ZNF469: variants seen among roughly 807,000 people sequenced by gnomAD.
The protein encoded by ZNF469 is zinc finger protein 469.
ZNF469 carries 1 observed loss-of-function variant against 1.0 expected under a neutral mutation model. The observed-to-expected ratio is 1.00, with a 90% CI of 0.35 to 4.73. The LOEUF is 4.73. Ranked by LOEUF, ZNF469 falls within the 30% of genes most tolerant of loss-of-function variation. The probability of loss-of-function intolerance (pLI) is 0.16; values close to 1 mark genes in which losing one functional copy is unlikely to be tolerated. For missense variants in ZNF469, 6,100 were observed against 5,356.3 expected (o/e 1.14, Z -4.33); for synonymous variants, 2,703 against 2,363.4 (o/e 1.14, Z -4.17).
intron 1 of ZNF469, among the ~76,000 whole-genome samples, chr16:88,395,988 T>C (rs1904647377): frequency 6.6e-6 from 1 of 152,228 alleles, no homozygotes; most frequent in Non-Finnish European, 1.5e-5. Context: ...CTCCCAGCCA[T>C]GTGCTCAGGC....
At chr16:88,289,121 T>C in the ZNF469 span, among the ~76,000 whole-genome samples, 1 of 151,770 alleles carries the variant, frequency 6.6e-6, no homozygotes, top group African/African-American at 2.4e-5. Context: ...GTAACAGTGA[T>C]GGTGATGACG....
chr16:88,169,837 GC>G, the ZNF469 span, among the ~76,000 whole-genome samples: 2 of 152,170 alleles, frequency 1.3e-5, no homozygotes, highest in Non-Finnish European at 1.5e-5. The surrounding 1 kb of genome is among the most constrained non-coding windows in gnomAD (Gnocchi z 6.1). Flanking sequence ...GGTTCCTGTG[GC>G]CCCTCCGCCT....
the ZNF469 span, among the ~76,000 whole-genome samples, chr16:88,108,087 A>G: frequency 6.6e-6 from 1 of 151,416 alleles, no homozygotes; most frequent in Non-Finnish European, 1.5e-5. Flanking sequence ...TTGAAGAAAT[A>G]AGGACATTTG....
chr16:88,326,804 G>T, the ZNF469 span, among the ~76,000 whole-genome samples: 6 of 152,170 alleles, frequency 3.9e-5, no homozygotes, highest in African/African-American at 1.2e-4. Flanking sequence ...CACTCGGGCC[G>T]GTCCTGACCC....
At chr16:88,193,114 G>A in the ZNF469 span, among the ~76,000 whole-genome samples, 3 of 65,800 alleles carry the variant, frequency 4.6e-5, no homozygotes, top group African/African-American at 6.0e-5. Flanking sequence ...GGTGGTGGTG[G>A]TGATGGTGGT....
the ZNF469 span, among the ~76,000 whole-genome samples, chr16:88,206,591 C>T: frequency 6.6e-6 from 1 of 151,980 alleles, no homozygotes; most frequent in South Asian, 2.1e-4. Flanking sequence ...CAAAACCCTA[C>T]ACTTGTCTCT....
the ZNF469 span, among the ~76,000 whole-genome samples, chr16:88,302,864 GA>G: frequency 6.6e-6 from 1 of 152,208 alleles, no homozygotes; most frequent in African/African-American, 2.4e-5. Context: ...CACCACTACA[GA>G]ACCCCTCTGC....
the ZNF469 span, among the ~76,000 whole-genome samples, chr16:88,184,256 C>A: frequency 6.6e-6 from 1 of 152,048 alleles, no homozygotes; most frequent in Non-Finnish European, 1.5e-5. Flanking sequence ...GGGGTCACGG[C>A]AGCTTGGCAC....
the ZNF469 span, among the ~76,000 whole-genome samples, chr16:88,283,600 T>C: frequency 6.6e-6 from 1 of 152,184 alleles, no homozygotes; most frequent in Non-Finnish European, 1.5e-5. Context: ...AGGTGGTGGG[T>C]TGGGGGTATC....
the ZNF469 span, among the ~76,000 whole-genome samples, chr16:88,229,578 C>CG: frequency 1.6e-4 from 10 of 61,556 alleles, no homozygotes; most frequent in South Asian, 6.1e-4. Flanking sequence ...CGCTTGTGCG[C>CG]TGATGTCACG....
At position 88,383,566 on chromosome 16, in the gene ZNF469, C is replaced by A. The variant is rs549487236; in HGVS notation, c.-192+312C>A. ...CTCCGTGGGCAGTTTGGGAAGCGCCCGGGCAACGTACTGGCGAGGGCCGCG... is the reference window on the plus strand; with the variant it reads ...CTCCGTGGGCAGTTTGGGAAGCGCCAGGGCAACGTACTGGCGAGGGCCGCG... On this transcript the variant is annotated intron_variant, in intron 1 of 2. Transcript: ENST00000565624. Among the ~76,000 whole-genome samples, 95 of 150,336 alleles carry A rather than the reference C, an allele frequency of 6.3e-4. 1 individual carries two copies. Among genetic ancestry groups the A allele is most frequent in the Admixed American group, 3.2e-3 (48 of 15,134 alleles).
chr16:88,316,855 G>A, the ZNF469 span, among the ~76,000 whole-genome samples: 3 of 152,124 alleles, frequency 2.0e-5, no homozygotes, highest in Admixed American at 1.3e-4. Context: ...CCTGGGTGCT[G>A]TCTCAGTGCC....
rs543570209 is a variant in ZNF469, at chr16:88,395,660, G to GGA, written c.-192+12408_-192+12409dup. On this transcript the variant is annotated intron_variant, in intron 1 of 2. Coordinates refer to ENST00000565624, the MANE Select transcript of ZNF469 (RefSeq NM_001367624.2). ...ACATTATAATGTTATAATTCCCACC[G>GGA]GAGGCTCAGAGGCTAAATGCCTCAC... Among the ~76,000 whole-genome samples the GGA allele has an allele frequency of 9.8e-3, 1,492 of 152,130 alleles. 21 individuals are homozygous for GGA. Among genetic ancestry groups the GGA allele is most frequent in the African/African-American group, 0.034 (1,415 of 41,474 alleles).
chr16:88,325,635 T>C, the ZNF469 span, among the ~76,000 whole-genome samples: 1 of 152,234 alleles, frequency 6.6e-6, no homozygotes, highest in African/African-American at 2.4e-5. Context: ...CACTTAGGGC[T>C]CCTGGTCCCA....
the ZNF469 span, among the ~76,000 whole-genome samples, chr16:88,103,092 C>T: frequency 2.6e-4 from 39 of 152,250 alleles, no homozygotes; most frequent in African/African-American, 9.4e-4. Context: ...TAAAGCTGTT[C>T]TCATGTGTCC....
the ZNF469 span, among the ~76,000 whole-genome samples, chr16:88,351,597 C>T: frequency 2.6e-5 from 4 of 152,198 alleles, no homozygotes; most frequent in African/African-American, 9.6e-5. Context: ...GACAAAGGGG[C>T]CGCCGACGCT....
At chr16:88,337,565 C>T in the ZNF469 span, among the ~76,000 whole-genome samples, 1 of 152,196 alleles carries the variant, frequency 6.6e-6, no homozygotes, top group Non-Finnish European at 1.5e-5. Flanking sequence ...GTACAGGGTC[C>T]CAGCGTCACT....
chr16:88,345,345 G>A, the ZNF469 span, among the ~76,000 whole-genome samples: 1 of 152,216 alleles, frequency 6.6e-6, no homozygotes, highest in Non-Finnish European at 1.5e-5. Flanking sequence ...CTGGGTAGTG[G>A]TATCAAAAAA....
the ZNF469 span, among the ~76,000 whole-genome samples, chr16:88,144,810 T>C: frequency 6.6e-6 from 1 of 152,134 alleles, no homozygotes; most frequent in Non-Finnish European, 1.5e-5. Context: ...TTCTAGAGTC[T>C]CTTATCTTGG....
Sources: gnomAD v4.1 joint callset for allele counts (sites outside exome capture counted in the v4.1 genomes callset) on GRCh38, gnomAD v4.1.1 for gene constraint, Gnocchi (gnomAD v3.1) non-coding constraint, MANE v1.5 for transcripts, NCBI Gene and HGNC (gene_info 2026-07-23, HGNC 2026-07-21) for gene names.